Variants in STAM observed in about 807,000 individuals in gnomAD.
STAM encodes signal transducing adaptor molecule.
A neutral mutation model predicts 63.4 loss-of-function variants in STAM; 16 were observed. The observed-to-expected ratio is 0.25, with a 90% CI of 0.17 to 0.38. STAM has a LOEUF of 0.38. Ranked by LOEUF, STAM falls within the 10% of genes least tolerant of loss-of-function variation. The pLI is 1.00. For missense variants in STAM, 636 were observed against 657.1 expected (o/e 0.97, Z 0.35); for synonymous variants, 238 against 223.9 (o/e 1.06, Z -0.56).
intron 4 of STAM, among the ~76,000 whole-genome samples, chr10:17,685,846 A>G (rs1267638839): frequency 6.6e-6 from 1 of 152,180 alleles, no homozygotes; most frequent in Non-Finnish European, 1.5e-5. Flanking sequence ...AGTTCAAGAA[A>G]TTTTTCAATT....
intron 2 of STAM, among the ~76,000 whole-genome samples, chr10:17,682,766 A>G (rs1241632789): frequency 2.0e-5 from 3 of 152,198 alleles, no homozygotes; most frequent in African/African-American, 4.8e-5. Flanking sequence ...GTCAAGTTTC[A>G]TGATAGTGTC....
intron 5 of STAM, among the ~76,000 whole-genome samples, chr10:17,688,382 A>G (rs1835382535): frequency 6.6e-6 from 1 of 152,222 alleles, no homozygotes; most frequent in Non-Finnish European, 1.5e-5. Context: ...ATAATGGAAT[A>G]TTAATGTGCT....
intron 1 of STAM, among the ~76,000 whole-genome samples, chr10:17,645,511 A>G (rs1833485235): frequency 6.6e-6 from 1 of 152,196 alleles, no homozygotes; most frequent in African/African-American, 2.4e-5. Flanking sequence ...TTTGAGTTCC[A>G]GTGTTCTTGT....
At chr10:17,701,008 C>T (rs1014072633) in intron 9 of STAM, among the ~76,000 whole-genome samples, 8 of 152,116 alleles carry the variant, frequency 5.3e-5, no homozygotes, top group African/African-American at 1.7e-4. Flanking sequence ...TATTAAATGT[C>T]TTCATATGTC....
intron 5 of STAM, among the ~76,000 whole-genome samples, chr10:17,689,514 T>C (rs1835440666): frequency 6.6e-6 from 1 of 152,232 alleles, no homozygotes; most frequent in Admixed American, 6.5e-5. Flanking sequence ...TTAAAAAAAT[T>C]ATGTCTTTGA....
chr10:17,664,192 G>T (rs1158774078), intron 2 of STAM, among the ~76,000 whole-genome samples: 1 of 152,016 alleles, frequency 6.6e-6, no homozygotes, highest in African/African-American at 2.4e-5. Context: ...CTTAGTAATA[G>T]AAAATTTTAG....
chr10:17,679,162 C>G (rs900256853), intron 2 of STAM, among the ~76,000 whole-genome samples: 2 of 152,122 alleles, frequency 1.3e-5, no homozygotes, highest in Non-Finnish European at 2.9e-5. Flanking sequence ...AGTAGCTACA[C>G]CATTTTACAT....
At position 17,714,761 on chromosome 10, in the gene STAM, C is replaced by G. The variant is rs1836736228; in HGVS notation, c.1604C>G (p.Ser535Cys). The G allele has an allele frequency of 6.2e-7, 1 of 1,614,154 alleles. No individual in the cohort carries two copies. The highest frequency in any genetic ancestry group is 8.5e-7 in the Non-Finnish European group (1 of 1,180,012). Residue 535 changes from serine to cysteine, a missense_variant, in exon 14 of 14, where the codon TCT becomes TGT. Transcript: ENST00000377524. ...CCACCTCAGCCACAGCAACCATATT[C>G]TCAGAAGGCTCTGCTATAGGACCCG... ...QQPPQPQQPY[S>C]QKALL
At chr10:17,683,818 A>G (rs1835183360) in intron 2 of STAM, among the ~76,000 whole-genome samples, 1 of 152,158 alleles carries the variant, frequency 6.6e-6, no homozygotes, top group African/African-American at 2.4e-5. Context: ...TTTCTTCTTC[A>G]TATCATGTCT....
chr10:17,686,422 G>A (rs767477020), intron 4 of STAM, among the ~76,000 whole-genome samples: 6 of 149,930 alleles, frequency 4.0e-5, no homozygotes, highest in Non-Finnish European at 7.4e-5. Flanking sequence ...TGTCACCCAG[G>A]CTGGAGTACA....
intron 1 of STAM, among the ~76,000 whole-genome samples, chr10:17,649,903 C>T (rs932884073): frequency 2.6e-5 from 4 of 152,138 alleles, no homozygotes; most frequent in African/African-American, 9.7e-5. Flanking sequence ...GTGAGGCACC[C>T]GGGCCCAGCC....
At chr10:17,649,906 G>T (rs1833670799) in intron 1 of STAM, among the ~76,000 whole-genome samples, 1 of 152,132 alleles carries the variant, frequency 6.6e-6, no homozygotes, top group South Asian at 2.1e-4. Flanking sequence ...AGGCACCCGG[G>T]CCCAGCCAAT....
chr10:17,694,428 AG>A (rs1165108258), intron 6 of STAM, among the ~76,000 whole-genome samples: 1 of 152,120 alleles, frequency 6.6e-6, no homozygotes, highest in Non-Finnish European at 1.5e-5. Flanking sequence ...AAGAGCAGAA[AG>A]GGTTCTGTGT....
rs1163347913 is a variant in STAM, at chr10:17,716,456, T to A, written c.*1676T>A. ...GTTCTGATTTCCTGTGTTTAAAATA[T>A]GTTGCCCTGCCCTGAAGTCAAATTT... On this transcript the variant is annotated 3_prime_UTR_variant, in exon 14 of 14. Coordinates refer to ENST00000377524, the MANE Select transcript of STAM (RefSeq NM_003473.4). Among the ~76,000 whole-genome samples, 4 of 152,154 alleles carry A rather than the reference T, an allele frequency of 2.6e-5. No individual in the cohort carries two copies. Among genetic ancestry groups the A allele is most frequent in the Non-Finnish European group, 4.4e-5 (3 of 68,012 alleles).
At position 17,689,220 on chromosome 10, in the gene STAM, G is replaced by C. The variant is rs79081430; in HGVS notation, c.444+1047G>C. On this transcript the variant is annotated intron_variant, in intron 5 of 13. Transcript: ENST00000377524. ...AATCAAGAGGCTTAAAATATGTGCT[G>C]ATTTACTACACTGTCTTTCCCCAGT... Among the ~76,000 whole-genome samples, 779 of 152,264 alleles carry C rather than the reference G, an allele frequency of 5.1e-3. 6 individuals carry two copies. Among genetic ancestry groups the C allele is most frequent in the African/African-American group, 0.018 (729 of 41,560 alleles).
Position 17,687,420 on chromosome 10 carries a change from C to T in STAM, c.298-607C>T, listed in dbSNP as rs1031062019. On this transcript the variant is annotated intron_variant, in intron 4 of 13. Transcript: ENST00000377524. Reference sequence around the variant, plus strand: ...GCATCCCCCACCCCCCTCTGGGAGGCGGAGGTTGCAGTGTGCTGAGATCGA... The same window carrying T: ...GCATCCCCCACCCCCCTCTGGGAGGTGGAGGTTGCAGTGTGCTGAGATCGA... Among the ~76,000 whole-genome samples, 18 of 152,036 alleles carry T rather than the reference C, an allele frequency of 1.2e-4. No homozygotes were observed. The East Asian group carries it at 3.1e-3, about 26-fold the overall frequency.
In STAM at chr10:17,708,903, C is replaced by T. The variant is rs370853595; in HGVS notation, c.1337C>T (p.Ser446Phe). ...SSLSQAVVPP[S>F]ANPALPSQQT... ...CTCAGCCAGGCAGTGGTCCCACCAT[C>T]CGCAAACCCAGCCCTTCCTAGTCAG... The change falls in exon 13 of 14, where the codon TCC becomes TTC. Residue 446 changes from serine (S) to phenylalanine (F), a missense_variant. This residue lies in a region of STAM where 532 missense variants were observed against 536.9 expected (regional missense o/e 0.99). Coordinates refer to ENST00000377524, the MANE Select transcript of STAM (RefSeq NM_003473.4). 6.2e-7 allele frequency: 1 copy of T among 1,614,204 alleles called. No individual in the cohort carries two copies. The highest frequency in any genetic ancestry group is 8.5e-7 in the Non-Finnish European group (1 of 1,180,028).
intron 1 of STAM, among the ~76,000 whole-genome samples, chr10:17,648,376 C>T (rs996260470): frequency 6.6e-6 from 1 of 152,176 alleles, no homozygotes; most frequent in African/African-American, 2.4e-5. Flanking sequence ...ATGAACCAAT[C>T]AGCAGGACAT....
chr10:17,660,379 C>G (rs1834116890), intron 1 of STAM, 85 bp from the exon 2 acceptor site: 8 of 872,542 alleles, frequency 9.2e-6, no homozygotes, highest in Non-Finnish European at 1.4e-5. Context: ...CTTGATTATA[C>G]TATAGTTTTG....
Sources: gnomAD v4.1 joint callset for allele counts (sites outside exome capture counted in the v4.1 genomes callset) on GRCh38, gnomAD v4.1.1 for gene constraint, gnomAD v4.1.1 regional missense constraint, MANE v1.5 for transcripts, NCBI Gene and HGNC (gene_info 2026-07-23, HGNC 2026-07-21) for gene names.